Variants in TAFA1 observed in about 807,000 individuals in gnomAD.
The protein encoded by TAFA1 is chemokine-like protein TAFA-1.
Under a neutral mutation model 18.5 loss-of-function variants are expected in TAFA1, and 4 were observed. The ratio of observed to expected loss-of-function variants is 0.22; its 90% confidence interval spans 0.11 to 0.49. The LOEUF (loss-of-function observed/expected upper bound fraction) is 0.49, where lower values mean the gene tolerates loss of function less well. TAFA1 is among the 20% of genes least tolerant of loss of function. TAFA1 has a pLI of 0.98. For missense variants in TAFA1, 147 were observed against 169.0 expected (o/e 0.87, Z 0.72); for synonymous variants, 56 against 55.2 (o/e 1.01, Z -0.06).
intron 2 of TAFA1, among the ~76,000 whole-genome samples, chr3:68,038,670 A>C (rs1393128015): frequency 6.8e-6 from 1 of 146,000 alleles, no homozygotes; most frequent in African/African-American, 2.6e-5. Flanking sequence ...GCTATTGTTA[A>C]AAAAAAAAAA....
Position 68,019,969 on chromosome 3 carries a change from A to G in TAFA1, c.118+13225A>G, listed in dbSNP as rs866889517. Among the ~76,000 whole-genome samples the G allele has an allele frequency of 1.1e-4, 16 of 152,310 alleles. No individual in the cohort carries two copies. The South Asian group carries it at 3.3e-3, about 32-fold the overall frequency. ...CCAAGCACAGTATAGTTCTCCAGTCATTGAGTAATTAAATGAGACAGGAAT... is the reference window on the plus strand; with the variant it reads ...CCAAGCACAGTATAGTTCTCCAGTCGTTGAGTAATTAAATGAGACAGGAAT... On this transcript the variant is annotated intron_variant, in intron 2 of 4. Coordinates refer to ENST00000478136, the MANE Select transcript of TAFA1 (RefSeq NM_213609.4).
At chr3:68,131,145 T>C (rs2065531465) in intron 2 of TAFA1, among the ~76,000 whole-genome samples, 2 of 152,216 alleles carry the variant, frequency 1.3e-5, no homozygotes, top group Admixed American at 6.5e-5. Flanking sequence ...AGAGATTGCC[T>C]GCACCATATA....
chr3:68,413,418 C>T (rs902913726), intron 2 of TAFA1, among the ~76,000 whole-genome samples: 2 of 152,026 alleles, frequency 1.3e-5, no homozygotes, highest in Non-Finnish European at 2.9e-5. Flanking sequence ...GTATTGGGCA[C>T]ATAGGAAAAA....
intron 2 of TAFA1, among the ~76,000 whole-genome samples, chr3:68,181,432 T>C (rs910104295): frequency 2.0e-5 from 3 of 152,142 alleles, no homozygotes; most frequent in Admixed American, 6.5e-5. Context: ...CAGTAAATTT[T>C]TCTGTTCCAG....
chr3:68,431,131 C>T (rs1445405741), intron 3 of TAFA1, among the ~76,000 whole-genome samples: 1 of 151,824 alleles, frequency 6.6e-6, no homozygotes, highest in African/African-American at 2.4e-5. Flanking sequence ...CCAAAGGACG[C>T]CTGACCAGCC....
intron 3 of TAFA1, among the ~76,000 whole-genome samples, chr3:68,481,161 C>A (rs975692291): frequency 6.6e-6 from 1 of 152,176 alleles, no homozygotes; most frequent in African/African-American, 2.4e-5. Flanking sequence ...TTTGAACATA[C>A]ATTGTTGACT....
At chr3:68,016,697 C>T (rs536211265) in intron 2 of TAFA1, among the ~76,000 whole-genome samples, 3 of 152,052 alleles carry the variant, frequency 2.0e-5, no homozygotes, top group Non-Finnish European at 4.4e-5. Context: ...TGTTGTTAAG[C>T]GATACATGAC....
intron 2 of TAFA1, among the ~76,000 whole-genome samples, chr3:68,218,645 G>T (rs909236441): frequency 2.6e-5 from 4 of 152,132 alleles, no homozygotes; most frequent in African/African-American, 9.7e-5. Flanking sequence ...GAAAGGTAGA[G>T]CTTCTTCTCT....
At chr3:68,364,795 G>A (rs1388353191) in intron 2 of TAFA1, among the ~76,000 whole-genome samples, 1 of 152,142 alleles carries the variant, frequency 6.6e-6, no homozygotes, top group African/African-American at 2.4e-5. Context: ...TAACTCTTCT[G>A]TTAACTTCTG....
intron 2 of TAFA1, among the ~76,000 whole-genome samples, chr3:68,218,154 C>A (rs897715276): frequency 2.0e-5 from 3 of 151,980 alleles, no homozygotes; most frequent in Non-Finnish European, 2.9e-5. Context: ...AAAATTCCAG[C>A]CTCTCAGGTC....
chr3:68,512,582 T>C (rs1467681357), intron 3 of TAFA1, among the ~76,000 whole-genome samples: 1 of 152,126 alleles, frequency 6.6e-6, no homozygotes, highest in African/African-American at 2.4e-5. Flanking sequence ...GAGCATGTTA[T>C]CTTACTTAAT....
chr3:68,005,544 G>A (rs911293903), intron 1 of TAFA1, among the ~76,000 whole-genome samples: 18 of 152,262 alleles, frequency 1.2e-4, no homozygotes, highest in African/African-American at 4.3e-4. Context: ...CAATTTTCAT[G>A]AATAAAGAAG....
At chr3:68,254,328 A>G (rs548865868) in intron 2 of TAFA1, among the ~76,000 whole-genome samples, 3 of 152,244 alleles carry the variant, frequency 2.0e-5, no homozygotes, top group African/African-American at 7.2e-5. Context: ...TATGAAAATC[A>G]ATTTCATCAA....
chr3:68,096,291 T>C (rs1369225551), intron 2 of TAFA1, among the ~76,000 whole-genome samples: 1 of 152,158 alleles, frequency 6.6e-6, no homozygotes, highest in Admixed American at 6.6e-5. Flanking sequence ...TAGTATTCCA[T>C]TGTACATATG....
intron 3 of TAFA1, among the ~76,000 whole-genome samples, chr3:68,443,491 A>C (rs13097414): frequency 0.65 from 86,092 of 132,868 alleles, 26,857 homozygotes; most frequent in East Asian, 0.78. Flanking sequence ...AAAAAAAAAA[A>C]AAAAACAAAA....
intron 2 of TAFA1, among the ~76,000 whole-genome samples, chr3:68,354,805 A>G (rs2069332258): frequency 6.6e-6 from 1 of 151,952 alleles, no homozygotes; most frequent in African/African-American, 2.4e-5. Context: ...CTGCGTCTTC[A>G]CATGATGAAA....
At chr3:68,201,093 TTC>T (rs1559556536) in intron 2 of TAFA1, among the ~76,000 whole-genome samples, 2 of 151,646 alleles carry the variant, frequency 1.3e-5, no homozygotes, top group African/African-American at 4.8e-5. Context: ...TTTTATTTAG[TTC>T]AAAATATTTT....
intron 2 of TAFA1, among the ~76,000 whole-genome samples, chr3:68,134,834 C>T (rs189896723): frequency 2.0e-3 from 298 of 152,288 alleles, no homozygotes; most frequent in Non-Finnish European, 3.2e-3. Flanking sequence ...CCTTTTCTTT[C>T]TTATTCAAAC....
chr3:68,488,525 A>G (rs1157949981), intron 3 of TAFA1, among the ~76,000 whole-genome samples: 1 of 152,180 alleles, frequency 6.6e-6, no homozygotes, highest in Non-Finnish European at 1.5e-5. Context: ...AAGCACTGAG[A>G]CTTGGGACTC....
Sources: allele counts gnomAD v4.1 joint callset (sites outside exome capture counted in the v4.1 genomes callset), GRCh38; gene constraint gnomAD v4.1.1; transcripts MANE v1.5; gene names NCBI Gene and HGNC (gene_info 2026-07-23, HGNC 2026-07-21).